Variants in BAAT observed in about 807,000 individuals in gnomAD.
The protein encoded by BAAT is bile acid CoA: amino acid N-acyltransferase (glycine N-choloyltransferase).
Under a neutral mutation model 18.9 loss-of-function variants are expected in BAAT, and 13 were observed. The observed-to-expected ratio is 0.69, with a 90% confidence interval of 0.45 to 1.10. The LOEUF is 1.10. BAAT is among the 50% of genes least tolerant of loss of function. The pLI, the probability that BAAT is intolerant of heterozygous loss-of-function variation, is 0.00. For missense variants in BAAT, 489 were observed against 504.0 expected, an observed-to-expected ratio of 0.97 and a Z score of 0.28; for synonymous variants, 170 against 190.7, an observed-to-expected ratio of 0.89 and a Z score of 0.89.
intron 2 of BAAT, among the ~76,000 whole-genome samples, chr9:101,369,639 T>C (rs543071978): frequency 6.6e-6 from 1 of 152,302 alleles, no homozygotes; most frequent in South Asian, 2.1e-4. Context: ...TGGGGTGGGA[T>C]AATAGAGGCA....
At chr9:101,374,816 G>A (rs1018811241) in intron 1 of BAAT, among the ~76,000 whole-genome samples, 1 of 151,830 alleles carries the variant, frequency 6.6e-6, no homozygotes, top group Non-Finnish European at 1.5e-5. Flanking sequence ...TTGTCTCAGG[G>A]CATTATATCA....
Position 101,362,802 on chromosome 9 carries a change from G to C in BAAT, c.883C>G (p.Leu295Val). 1 of 1,614,152 alleles carries C rather than the reference G, an allele frequency of 6.2e-7. No individual in the cohort carries two copies. Among genetic ancestry groups the C allele is most frequent in the Non-Finnish European group, 8.5e-7 (1 of 1,180,002 alleles). ...TGAGTTGTCTCAAAAGTGCGATAGA[G>C]CTCTAGTAACCCCAAGGCATTGGTG... ...ISTNALGLLE[L>V]YRTFETTQVG... Residue 295 changes from leucine (L) to valine (V), a missense_variant, in exon 4 of 4, where the codon CTC (leucine) becomes GTC (valine). Coordinates refer to ENST00000259407, the MANE Select transcript of BAAT (RefSeq NM_001701.4).
intron 1 of BAAT, among the ~76,000 whole-genome samples, chr9:101,371,992 A>G (rs1182102964): frequency 2.0e-5 from 3 of 152,176 alleles, no homozygotes; most frequent in African/African-American, 7.2e-5. Context: ...AAATGAAACC[A>G]TGTCCTTTGC....
At chr9:101,370,874 C>G in intron 2 of BAAT, 65 bp downstream of exon 2, 1 of 1,539,626 alleles carries the variant, frequency 6.5e-7, no homozygotes, top group Non-Finnish European at 9.0e-7. Context: ...AGCTAAATTT[C>G]TAGACGGATA....
chr9:101,384,568 T>C (rs73657936), intron 1 of BAAT, among the ~76,000 whole-genome samples: 3 of 152,300 alleles, frequency 2.0e-5, no homozygotes, highest in African/African-American at 7.2e-5. Flanking sequence ...AATGTGACAA[T>C]ATGAATAACT....
intron 3 of BAAT, among the ~76,000 whole-genome samples, chr9:101,367,116 G>GAAAAAAAAAAAAAA (rs66591298): frequency 1.0e-5 from 1 of 99,672 alleles, no homozygotes; most frequent in Non-Finnish European, 1.9e-5. Flanking sequence ...GTCAAAAAAA[G>GAAAAAAAAAAAAAA]AAAAAAAAAA....
chr9:101,370,957 C>T lies in BAAT; in HGVS notation c.448G>A (p.Ala150Thr), dbSNP rs1829927499. 1.2e-6 allele frequency: 2 copies of T among 1,614,048 alleles called. No homozygotes were observed. The highest frequency in any genetic ancestry group is 1.7e-6 in the Non-Finnish European group (2 of 1,179,994). Residue 150 changes from alanine (A) to threonine (T), a missense_variant, in exon 2 of 4, where the codon GCT (alanine) becomes ACT (threonine). Transcript: ENST00000259407. The part of the protein sequence containing the change: ...IKVREGRLRG[A>T]LFLPPGEGLF... ...TACTCACCTGGAGGGAGAAAGAGAG[C>T]TCCTCGAAGGCGGCCTTCTCGAACC... is the stretch of plus-strand genomic sequence containing the variant.
intron 1 of BAAT, chr9:101,383,664 T>G (rs1034631314): frequency 4.6e-5 from 7 of 152,224 alleles, no homozygotes; most frequent in African/African-American, 1.7e-4. Flanking sequence ...ACCCAATAAA[T>G]GTATCACTAT....
chr9:101,363,025 A>G lies in BAAT; in HGVS notation c.670-10T>C. On this transcript the variant is annotated splice_polypyrimidine_tract_variant and intron_variant, in intron 3 of 3. Transcript: ENST00000259407. Reference sequence around the variant, plus strand: ...CGCCTGAGCCAAAGACCTGAAAAAAATAATAGAAATGAGAAATTATTCTAG... The same window carrying G: ...CGCCTGAGCCAAAGACCTGAAAAAAGTAATAGAAATGAGAAATTATTCTAG... 3 of 1,608,932 alleles carry G rather than the reference A, an allele frequency of 1.9e-6. No individual in the cohort carries two copies. Among genetic ancestry groups the G allele is most frequent in the Non-Finnish European group, 2.6e-6 (3 of 1,176,422 alleles).
chr9:101,383,916 G>A (rs1830166918), intron 1 of BAAT, among the ~76,000 whole-genome samples: 1 of 152,146 alleles, frequency 6.6e-6, no homozygotes, highest in Non-Finnish European at 1.5e-5. Context: ...TCACAGTAAT[G>A]AGTAATAAAA....
chr9:101,363,886 C>A (rs1025295121), intron 3 of BAAT, among the ~76,000 whole-genome samples: 3 of 152,060 alleles, frequency 2.0e-5, no homozygotes, highest in Non-Finnish European at 2.9e-5. Context: ...GCGGTGTGTG[C>A]CTGTAGGCCC....
At chr9:101,379,779 G>A (rs1298419387) in intron 1 of BAAT, among the ~76,000 whole-genome samples, 1 of 152,142 alleles carries the variant, frequency 6.6e-6, no homozygotes, top group African/African-American at 2.4e-5. Context: ...GTTGTTTTTA[G>A]TTGGCTCCCT....
Position 101,362,384 on chromosome 9 carries a change from G to A in BAAT, c.*44C>T, listed in dbSNP as rs186840783. Reference sequence around the variant, plus strand: ...CCATGAAAATTGAGAGAAGGTCCCGGTAAAGAGATTTGCTTCTTTATTTTC... The same window carrying A: ...CCATGAAAATTGAGAGAAGGTCCCGATAAAGAGATTTGCTTCTTTATTTTC... On this transcript the variant is annotated 3_prime_UTR_variant, in exon 4 of 4. Coordinates refer to ENST00000259407, the MANE Select transcript of BAAT (RefSeq NM_001701.4). The A allele has an allele frequency of 6.3e-7, 1 of 1,586,544 alleles. No individual in the cohort carries two copies. The highest frequency in any genetic ancestry group is 2.2e-5 in the East Asian group (1 of 44,628).
At chr9:101,370,775 C>T (rs1010019633) in intron 2 of BAAT, among the ~76,000 whole-genome samples, 164 bp downstream of exon 2, 1 of 152,056 alleles carries the variant, frequency 6.6e-6, no homozygotes, top group African/African-American at 2.4e-5. Context: ...AGGTATTATC[C>T]ATATTCAAGT....
chr9:101,374,457 C>A (rs1386658196), intron 1 of BAAT, among the ~76,000 whole-genome samples: 1 of 152,082 alleles, frequency 6.6e-6, no homozygotes, highest in Non-Finnish European at 1.5e-5. Context: ...AAAAGTGAAC[C>A]AAGTTTCAGA....
Position 101,362,796 on chromosome 9 carries a change from G to A in BAAT, c.889C>T (p.Arg297Cys), listed in dbSNP as rs752255786. 29 of 1,614,026 alleles carry A rather than the reference G, an allele frequency of 1.8e-5. No homozygotes were observed. The highest frequency in any genetic ancestry group is 1.6e-4 in the Middle Eastern group (1 of 6,084). ...TNALGLLELY[R>C]TFETTQVGAS... ...CCAACTTGAGTTGTCTCAAAAGTGC[G>A]ATAGAGCTCTAGTAACCCCAAGGCA... Residue 297 changes from arginine (R) to cysteine (C), a missense_variant, in exon 4 of 4, where the codon CGC becomes TGC. Arg to Cys is a radical substitution (Grantham distance 180). Coordinates refer to ENST00000259407, the MANE Select transcript of BAAT (RefSeq NM_001701.4).
chr9:101,370,917 T>G (rs1347617913), intron 2 of BAAT, 22 bp downstream of exon 2: 1 of 1,608,880 alleles, frequency 6.2e-7, no homozygotes, highest in Non-Finnish European at 8.5e-7. Context: ...AGAATAACAA[T>G]AAGCAGAGTA....
In BAAT at chr9:101,383,665, G is replaced by T. The variant is rs560347785; in HGVS notation, c.-60+1190C>A. 2.7e-4 allele frequency: 41 copies of T among 152,260 alleles called. 1 individual carries two copies. Among genetic ancestry groups the T allele is most frequent in the Admixed American group, 2.5e-3 (38 of 15,294 alleles). 9.4% of individuals were successfully genotyped at this position (152,260 alleles called of 1,614,324 possible). A position where few individuals can be genotyped will look rare whatever the true frequency, so the allele number is the denominator to read the frequency against. On this transcript the variant is annotated intron_variant, in intron 1 of 3. Transcript: ENST00000259407. ...TTAACAGTTATTGAACCCAATAAAT[G>T]TATCACTATTTTCCCTCTTCATTTT... is the stretch of plus-strand genomic sequence containing the variant.
chr9:101,373,267 A>G (rs1829986246), intron 1 of BAAT, among the ~76,000 whole-genome samples: 2 of 152,154 alleles, frequency 1.3e-5, no homozygotes, highest in Non-Finnish European at 2.9e-5. Flanking sequence ...TACTTGGCCT[A>G]TTTGTCCCCA....
Sources: allele counts gnomAD v4.1 joint callset (sites outside exome capture counted in the v4.1 genomes callset), GRCh38; gene constraint gnomAD v4.1.1; transcripts MANE v1.5; gene names NCBI Gene and HGNC (gene_info 2026-07-23, HGNC 2026-07-21).